The following SLX4IP variants were observed in gnomAD, a reference collection of about 807,000 sequenced individuals.
SLX4IP encodes the protein protein SLX4IP.
Under a neutral mutation model 32.9 loss-of-function variants are expected in SLX4IP, and 34 were observed. That is an observed-to-expected ratio of 1.03 (90% CI 0.79 to 1.38). The LOEUF (loss-of-function observed/expected upper bound fraction) is 1.38. Ranked by LOEUF, SLX4IP falls within the 40% of genes most tolerant of loss-of-function variation. The probability of loss-of-function intolerance (pLI) is 0.00; values close to 1 mark genes in which losing one functional copy is unlikely to be tolerated. For synonymous variants in SLX4IP, 172 were observed against 171.7 expected (o/e 1.00, Z -0.01); for missense variants, 444 against 479.0 (o/e 0.93, Z 0.68).
intron 6 of SLX4IP, chr20:10,614,121 C>T: frequency 5.5e-6 from 8 of 1,465,130 alleles, no homozygotes; most frequent in Admixed American, 3.8e-5. Context: ...GTGGTAGCCT[C>T]GTCGGACCTC....
At chr20:10,562,812 C>A (rs1292772458) in intron 4 of SLX4IP, among the ~76,000 whole-genome samples, 1 of 152,164 alleles carries the variant, frequency 6.6e-6, no homozygotes, top group African/African-American at 2.4e-5. Flanking sequence ...ATCCATTCAT[C>A]TGGTGATGAA....
Position 10,560,775 on chromosome 20 carries a change from C to T in SLX4IP, c.193C>T (p.Pro65Ser). The T allele has an allele frequency of 1.2e-6, 2 of 1,608,136 alleles. No homozygotes were observed. The highest frequency in any genetic ancestry group is 1.7e-6 in the Non-Finnish European group (2 of 1,177,262). The change falls in exon 4 of 8, where the codon CCA becomes TCA. Residue 65 changes from proline (P) to serine (S), a missense_variant. Pro to Ser is a moderately conservative substitution (Grantham distance 74, BLOSUM62 -1). Transcript: ENST00000334534. ...EYLEVRKQHR[P>S]SNAEFTRSNP... is the part of the protein sequence containing the mutation. Reference sequence around the variant, plus strand: ...CTTGGAAGTTCGCAAACAGCACAGGCCATCAAATGCAGAATTCACAAGATC... The same window carrying T: ...CTTGGAAGTTCGCAAACAGCACAGGTCATCAAATGCAGAATTCACAAGATC...
chr20:10,549,640 G>A (rs1181747945), intron 2 of SLX4IP, among the ~76,000 whole-genome samples: 1 of 152,214 alleles, frequency 6.6e-6, no homozygotes, highest in Non-Finnish European at 1.5e-5. Context: ...GTAATGTCTG[G>A]CAATGTGGAG....
Position 10,601,765 on chromosome 20 carries a change from T to C in SLX4IP, c.351T>C (p.Cys117=), listed in dbSNP as rs1276702935. The change falls in exon 6 of 8, where the codon TGT becomes TGC. Residue 117 remains cysteine, a synonymous_variant. Transcript: ENST00000334534. Reference sequence around the variant, plus strand: ...TATTCCCTGACAGATTTGTGGTTTGTGTCAGTCAGCTTGCATTCAGTCGTG... The same window carrying C: ...TATTCCCTGACAGATTTGTGGTTTGCGTCAGTCAGCTTGCATTCAGTCGTG... ...LCVFPDRFVV[C]VSQLAFSRDL... is the part of the protein sequence containing the mutation. 1.9e-6 allele frequency: 3 copies of C among 1,613,976 alleles called. No individual in the cohort carries two copies. Among genetic ancestry groups the C allele is most frequent in the Non-Finnish European group, 8.5e-7 (1 of 1,179,966 alleles).
chr20:10,463,844 C>T (rs957274763), intron 2 of SLX4IP, among the ~76,000 whole-genome samples: 6 of 152,112 alleles, frequency 3.9e-5, no homozygotes, highest in African/African-American at 1.2e-4. Context: ...TGCAGTGGCA[C>T]AGTCATAACT....
chr20:10,553,207 C>G (rs181079099), intron 2 of SLX4IP, among the ~76,000 whole-genome samples: 1 of 152,234 alleles, frequency 6.6e-6, no homozygotes, highest in African/African-American at 2.4e-5. Context: ...AATTATAGCT[C>G]TTTTCATATT....
intron 4 of SLX4IP, among the ~76,000 whole-genome samples, chr20:10,592,346 A>AT (rs1019307721): frequency 6.2e-5 from 9 of 144,366 alleles, no homozygotes; most frequent in African/African-American, 2.1e-4. Context: ...CCTTTCTCCA[A>AT]CCCCCCCCCA....
At chr20:10,477,898 C>CTTT (rs35993699) in intron 2 of SLX4IP, among the ~76,000 whole-genome samples, 1 of 129,850 alleles carries the variant, frequency 7.7e-6, no homozygotes, top group Non-Finnish European at 1.6e-5. Context: ...TACAATCTCC[C>CTTT]TTTTTTTTTT....
intron 4 of SLX4IP, among the ~76,000 whole-genome samples, chr20:10,592,064 A>G (rs1481724294): frequency 3.3e-5 from 5 of 152,210 alleles, no homozygotes; most frequent in South Asian, 2.1e-4. Flanking sequence ...GAAACATTTC[A>G]TGCTCCATTT....
intron 4 of SLX4IP, among the ~76,000 whole-genome samples, chr20:10,581,447 C>T (rs905509889): frequency 7.2e-5 from 11 of 152,108 alleles, no homozygotes; most frequent in Non-Finnish European, 1.3e-4. Flanking sequence ...AGAGACAGAA[C>T]GTGCCTGAGT....
chr20:10,476,085 A>T (rs2065473534), intron 2 of SLX4IP, among the ~76,000 whole-genome samples: 1 of 152,054 alleles, frequency 6.6e-6, no homozygotes, highest in South Asian at 2.1e-4. Flanking sequence ...CAACTTGGCA[A>T]TGTGTTTTAT....
At chr20:10,618,479 G>T (rs2122568844) in intron 6 of SLX4IP, among the ~76,000 whole-genome samples, 1 of 152,322 alleles carries the variant, frequency 6.6e-6, no homozygotes, top group South Asian at 2.1e-4. Context: ...AATGATATTT[G>T]TAGAATTTTA....
At chr20:10,436,298 T>C (rs2065113311) in intron 1 of SLX4IP, among the ~76,000 whole-genome samples, 1 of 152,160 alleles carries the variant, frequency 6.6e-6, no homozygotes, top group African/African-American at 2.4e-5. Flanking sequence ...CCTCAAGAAG[T>C]GTACCTTAAA....
intron 2 of SLX4IP, among the ~76,000 whole-genome samples, chr20:10,535,835 A>G (rs1474176355): frequency 6.6e-6 from 1 of 152,226 alleles, no homozygotes; most frequent in Non-Finnish European, 1.5e-5. Flanking sequence ...TTCACTAGAG[A>G]TGAATGTGTT....
At chr20:10,546,811 C>T (rs1024750777) in intron 2 of SLX4IP, among the ~76,000 whole-genome samples, 6 of 152,090 alleles carry the variant, frequency 3.9e-5, no homozygotes, top group African/African-American at 1.2e-4. Context: ...ACTGACCAGT[C>T]GACTGAGGGA....
chr20:10,576,913 CT>C (rs1459141817), intron 4 of SLX4IP, among the ~76,000 whole-genome samples: 3 of 152,122 alleles, frequency 2.0e-5, no homozygotes, highest in Non-Finnish European at 4.4e-5. Flanking sequence ...TTTGACCCCC[CT>C]AGCTGTCTGG....
intron 2 of SLX4IP, among the ~76,000 whole-genome samples, chr20:10,530,675 AG>A (rs1267949150): frequency 6.6e-6 from 1 of 152,246 alleles, no homozygotes; most frequent in African/African-American, 2.4e-5. Context: ...GCATGAGCAT[AG>A]GCTTTAGTAT....
chr20:10,583,184 G>T (rs1334723019), intron 4 of SLX4IP, among the ~76,000 whole-genome samples: 1 of 152,004 alleles, frequency 6.6e-6, no homozygotes, highest in Non-Finnish European at 1.5e-5. Context: ...GTAGATTCTG[G>T]ATGTCATTTA....
intron 4 of SLX4IP, among the ~76,000 whole-genome samples, chr20:10,573,672 C>T (rs1386968441): frequency 6.6e-6 from 1 of 152,178 alleles, no homozygotes; most frequent in East Asian, 1.9e-4. Context: ...CAGTTGTCTG[C>T]TGTTCTATTA....
Sources: gnomAD v4.1 joint callset for allele counts (sites outside exome capture counted in the v4.1 genomes callset) on GRCh38, gnomAD v4.1.1 for gene constraint, MANE v1.5 for transcripts, NCBI Gene and HGNC (gene_info 2026-07-23, HGNC 2026-07-21) for gene names.